Variants in PREPL observed in about 807,000 individuals in gnomAD.
PREPL encodes the protein prolyl endopeptidase-like.
A neutral mutation model predicts 70.6 loss-of-function variants in PREPL; 77 were observed. That is an observed-to-expected ratio of 1.09 (90% CI 0.91 to 1.32). The LOEUF is 1.32. Ranked by LOEUF, PREPL falls within the 40% of genes most tolerant of loss-of-function variation. The pLI is 0.00. For synonymous variants in PREPL, 315 were observed against 264.8 expected (o/e 1.19, Z -1.84); for missense variants, 1,002 against 778.2 (o/e 1.29, Z -3.42).
chr2:44,327,945 T>C (rs1006514064), intron 9 of PREPL, among the ~76,000 whole-genome samples: 1 of 150,558 alleles, frequency 6.6e-6, no homozygotes, highest in Non-Finnish European at 1.5e-5. Context: ...AGCTCAGGAG[T>C]TCGAGACCAG....
At position 44,343,869 on chromosome 2, in the gene PREPL, A is replaced by T. The variant is rs72875319; in HGVS notation, c.225T>A (p.Ala75=). ...TGGCAGCCACATATTTTTCATCTGG[A>T]GCAACTCTGATACAATCAATGAAGG... ...DQPFIDCIRV[A]PDEKYVAAKI... The change falls in exon 4 of 14, where the codon GCT becomes GCA. Residue 75 remains alanine, a synonymous_variant. Transcript: ENST00000409411. 9,622 of 1,614,034 alleles carry T rather than the reference A, an allele frequency of 6.0e-3. 490 individuals are homozygous for T. In the African/African-American group the frequency reaches 0.11, roughly 19 times the overall value.
In PREPL at chr2:44,321,440, T is replaced by A. The variant is rs764107553; in HGVS notation, c.1833A>T (p.Thr611=). The part of the protein sequence containing the change: ...HVIEDSHKKI[T]AQIKFLYEEL... ...CCTCGTACAGGAATTTAATTTGGGC[T>A]GTAATCTAAAAGAAACACATTAAAA... Residue 611 remains threonine, a synonymous_variant, in exon 14 of 14, where the codon ACA becomes ACT. Coordinates refer to ENST00000409411, the MANE Select transcript of PREPL (RefSeq NM_001171613.2). The A allele has an allele frequency of 6.2e-7, 1 of 1,612,140 alleles. No homozygotes were observed. Among genetic ancestry groups the A allele is most frequent in the Non-Finnish European group, 8.5e-7 (1 of 1,178,578 alleles).
At chr2:44,350,234 CAATT>C (rs1328235942) in intron 1 of PREPL, among the ~76,000 whole-genome samples, 3 of 151,560 alleles carry the variant, frequency 2.0e-5, no homozygotes, top group African/African-American at 7.3e-5. Context: ...ATAGTAATAC[CAATT>C]AAACTTAATG....
chr2:44,324,949 T>G (rs901331513), intron 10 of PREPL, among the ~76,000 whole-genome samples: 1 of 152,068 alleles, frequency 6.6e-6, no homozygotes, highest in African/African-American at 2.4e-5. Context: ...AAAACAAAAA[T>G]GAAGGCTGTA....
chr2:44,344,538 G>T lies in PREPL; in HGVS notation c.124C>A (p.Arg42Ser). The T allele has an allele frequency of 6.2e-7, 1 of 1,600,562 alleles. No individual in the cohort carries two copies. Among genetic ancestry groups the T allele is most frequent in the East Asian group, 2.3e-5 (1 of 44,386 alleles). The change falls in exon 3 of 14, where the codon CGT (arginine) becomes AGT (serine). Residue 42 changes from arginine (R) to serine (S), a missense_variant. Physicochemically the swap from Arg to Ser is moderately radical, Grantham distance 110 (BLOSUM62 -1). Transcript: ENST00000409411. The part of the protein sequence containing the change: ...VYYQEGCCLV[R>S]SKDEEADNDN... Reference sequence around the variant, plus strand: ...GGTGTACCTTCTTCATCTTTGGAACGAACCAAGCAACAACCTTCTTGGTAA... The same window carrying T: ...GGTGTACCTTCTTCATCTTTGGAACTAACCAAGCAACAACCTTCTTGGTAA...
chr2:44,341,789 C>A (rs1675255946), intron 5 of PREPL, among the ~76,000 whole-genome samples: 1 of 151,434 alleles, frequency 6.6e-6, no homozygotes, highest in Admixed American at 6.6e-5. Context: ...TCCTTTCAAT[C>A]TTTTAAAAAT....
At chr2:44,350,859 C>G (rs1315492899) in intron 1 of PREPL, among the ~76,000 whole-genome samples, 2 of 152,138 alleles carry the variant, frequency 1.3e-5, no homozygotes, top group East Asian at 1.9e-4. Flanking sequence ...CCTAAAAACA[C>G]TTTTCTTTAC....
Position 44,343,661 on chromosome 2 carries a change from C to T in PREPL, c.349+84G>A. 3.2e-6 allele frequency: 4 copies of T among 1,236,392 alleles called. No homozygotes were observed. In the South Asian group the frequency reaches 3.8e-5, roughly 12 times the overall value. The allele number at this position is 1,236,392 out of a possible 1,614,324, so 76.6% of individuals were successfully genotyped here. On this transcript the variant is annotated intron_variant, in intron 4 of 13. Coordinates refer to ENST00000409411, the MANE Select transcript of PREPL (RefSeq NM_001171613.2). The stretch of plus-strand genomic sequence containing the variant: ...ACATGAATCAGGCATTCACCTTCTC[C>T]CTCCCTCACATGCGACAAAAAAATG...
rs1246543532 is a variant in PREPL, at chr2:44,319,334, C to T, written c.*2022G>A. The T allele has an allele frequency of 6.6e-6, 1 of 152,542 alleles. No individual in the cohort carries two copies. The allele number at this position is 152,542 out of a possible 1,614,324, so 9.4% of individuals were successfully genotyped here. On this transcript the variant is annotated 3_prime_UTR_variant, in exon 14 of 14. Coordinates refer to ENST00000409411, the MANE Select transcript of PREPL (RefSeq NM_001171613.2). ...TGGCATTATGTATCAAGTGCCCATA[C>T]TCTTTGACAAAGTAACTGTCTTTCT...
intron 5 of PREPL, among the ~76,000 whole-genome samples, chr2:44,339,986 A>T (rs1675039145): frequency 6.6e-6 from 1 of 151,948 alleles, no homozygotes; most frequent in African/African-American, 2.4e-5. Flanking sequence ...TACTTTTTAA[A>T]TTTTTCCTTC....
intron 5 of PREPL, 50 bp downstream of exon 5, chr2:44,342,367 A>T: frequency 2.0e-6 from 3 of 1,485,094 alleles, no homozygotes; most frequent in Non-Finnish European, 2.7e-6. Context: ...TACTTTAAAT[A>T]ACTGGAGGAA....
Position 44,318,023 on chromosome 2 carries a change from C to A in PREPL, c.*3333G>T. ...ACAAAAAATGAAGTTATCTTTTGAC[C>A]TAATAATTCCATTCCTAATACTTAG... is the stretch of plus-strand genomic sequence containing the variant. On this transcript the variant is annotated 3_prime_UTR_variant, in exon 14 of 14. Transcript: ENST00000409411. 5.3e-6 allele frequency: 2 copies of A among 379,180 alleles called. No individual in the cohort carries two copies. The highest frequency in any genetic ancestry group is 3.7e-5 in the South Asian group (2 of 53,598). 23.5% of individuals were successfully genotyped at this position (379,180 alleles called of 1,614,324 possible).
chr2:44,351,015 T>C (rs1033573045), intron 1 of PREPL, among the ~76,000 whole-genome samples: 22 of 151,728 alleles, frequency 1.4e-4, no homozygotes, highest in African/African-American at 4.8e-4. Context: ...CTCTGCCTCC[T>C]GGGTTCAAGC....
chr2:44,322,857 G>A lies in PREPL; in HGVS notation c.1630-3C>T, dbSNP rs1484298374. 1 of 1,612,790 alleles carries A rather than the reference G, an allele frequency of 6.2e-7. No individual in the cohort carries two copies. The highest frequency in any genetic ancestry group is 8.5e-7 in the Non-Finnish European group (1 of 1,179,390). The stretch of plus-strand genomic sequence containing the variant: ...GTTATGTGAATTGAAGGATAATGCT[G>A]AAAGAAAATACATGCACGAAGAGTT... On this transcript the variant is annotated splice_polypyrimidine_tract_variant and splice_region_variant and intron_variant, in intron 11 of 13. Coordinates refer to ENST00000409411, the MANE Select transcript of PREPL (RefSeq NM_001171613.2).
At chr2:44,328,777 C>G (rs1229401546) in intron 9 of PREPL, among the ~76,000 whole-genome samples, 160 bp downstream of exon 9, 3 of 152,132 alleles carry the variant, frequency 2.0e-5, no homozygotes, top group Admixed American at 2.0e-4. Context: ...ATCAACTAAT[C>G]TGTTAAAGAA....
intron 7 of PREPL, among the ~76,000 whole-genome samples, chr2:44,333,564 T>C (rs1674333638): frequency 1.3e-5 from 2 of 151,910 alleles, no homozygotes; most frequent in South Asian, 4.1e-4. Context: ...GTAAAGGGGA[T>C]ACCATTCCAC....
Position 44,320,630 on chromosome 2 carries a change from C to A in PREPL, c.*726G>T. ...CCAGTGTACTGAACATACTGTATAC[C>A]TCGTGTTAGGCACCTTTATGAAGAG... On this transcript the variant is annotated 3_prime_UTR_variant, in exon 14 of 14. Coordinates refer to ENST00000409411, the MANE Select transcript of PREPL (RefSeq NM_001171613.2). 1 of 1,613,232 alleles carries A rather than the reference C, an allele frequency of 6.2e-7. No homozygotes were observed. The highest frequency in any genetic ancestry group is 8.5e-7 in the Non-Finnish European group (1 of 1,179,350).
At chr2:44,332,383 C>G (rs879421159) in intron 8 of PREPL, 76 bp downstream of exon 8, 5 of 1,311,150 alleles carry the variant, frequency 3.8e-6, no homozygotes, top group Non-Finnish European at 5.4e-6. Flanking sequence ...TAATGTAACT[C>G]CAACAACTGC....
rs1323909113 is a variant in PREPL at position 44,318,991 on chromosome 2, A to C, written c.*2365T>G. On this transcript the variant is annotated 3_prime_UTR_variant, in exon 14 of 14. Transcript: ENST00000409411. ...AAAGTAGTAACTCAAGTAGACAATA[A>C]TAGCTAACACTTACCGGGCACTTCT... is the stretch of plus-strand genomic sequence containing the variant. 6.6e-6 allele frequency: 1 copy of C among 152,248 alleles called. No homozygotes were observed. Among genetic ancestry groups the C allele is most frequent in the Non-Finnish European group, 1.5e-5 (1 of 68,038 alleles). The allele number at this position is 152,248 out of a possible 1,614,324, so 9.4% of individuals were successfully genotyped here. A position where few individuals can be genotyped will look rare whatever the true frequency, so the allele number is the denominator to read the frequency against.
Sources: allele counts gnomAD v4.1 joint callset (sites outside exome capture counted in the v4.1 genomes callset), GRCh38; gene constraint gnomAD v4.1.1; transcripts MANE v1.5; gene names NCBI Gene and HGNC (gene_info 2026-07-23, HGNC 2026-07-21).